MAST4: variants seen among roughly 807,000 people sequenced by gnomAD.
The protein encoded by MAST4 is microtubule-associated serine/threonine-protein kinase 4.
A neutral mutation model predicts 162.7 loss-of-function variants in MAST4; 89 were observed. That is an observed-to-expected ratio of 0.55 (90% CI 0.46 to 0.65). The LOEUF (loss-of-function observed/expected upper bound fraction) is 0.65. Ranked by LOEUF, MAST4 falls within the 30% of genes least tolerant of loss-of-function variation. MAST4 has a pLI of 0.00. For synonymous variants in MAST4, 1,479 were observed against 1,361.1 expected (o/e 1.09, Z -1.91); for missense variants, 3,153 against 3,374.0 (o/e 0.93, Z 1.62).
At chr5:66,608,498 AC>A (rs1743056010) in intron 1 of MAST4, among the ~76,000 whole-genome samples, 1 of 150,480 alleles carries the variant, frequency 6.6e-6, no homozygotes, top group African/African-American at 2.5e-5. Flanking sequence ...AATATGGACG[AC>A]TTATATGTTC....
At chr5:66,705,591 AGTTGACTACAAAACTG>A (rs1750078448) in intron 1 of MAST4, among the ~76,000 whole-genome samples, 1 of 152,238 alleles carries the variant, frequency 6.6e-6, no homozygotes, top group East Asian at 1.9e-4. Flanking sequence ...ATGAAAACCT[AGTTGACTACAAAACTG>A]CATTTTCAGA....
Position 66,667,135 on chromosome 5 carries a change from CCTGT to C in MAST4, c.363+70120_363+70123del, listed in dbSNP as rs368741133. On this transcript the variant is annotated intron_variant, in intron 1 of 28. Coordinates refer to ENST00000403625, the MANE Select transcript of MAST4 (RefSeq NM_001164664.2). The stretch of plus-strand genomic sequence containing the variant: ...GGAAGTTTGACCATACCTGTGTATG[CCTGT>C]CTTGCATAATTATGAATAGCCCCTT... Among the ~76,000 whole-genome samples the C allele has an allele frequency of 5.7e-3, 874 of 152,252 alleles. 10 individuals carry two copies. Among genetic ancestry groups the C allele is most frequent in the African/African-American group, 0.02 (847 of 41,550 alleles).
At chr5:66,918,464 T>C (rs1764260135) in intron 4 of MAST4, among the ~76,000 whole-genome samples, 1 of 152,210 alleles carries the variant, frequency 6.6e-6, no homozygotes, top group Non-Finnish European at 1.5e-5. Flanking sequence ...TTTGATATGC[T>C]TTTGGCCATT....
At chr5:67,089,734 G>C (rs1012300594) in intron 5 of MAST4, among the ~76,000 whole-genome samples, 1 of 152,164 alleles carries the variant, frequency 6.6e-6, no homozygotes, top group African/African-American at 2.4e-5. Context: ...TAAACAAAAA[G>C]TACTAAGGCT....
chr5:66,948,211 G>A (rs765831214), intron 4 of MAST4, among the ~76,000 whole-genome samples: 6 of 152,130 alleles, frequency 3.9e-5, no homozygotes, highest in Admixed American at 1.3e-4. Context: ...GCCACATTCC[G>A]AATTGGATTA....
At chr5:66,923,334 C>T (rs910680193) in intron 4 of MAST4, among the ~76,000 whole-genome samples, 13 of 152,162 alleles carry the variant, frequency 8.5e-5, no homozygotes, top group South Asian at 2.1e-4. Flanking sequence ...AAAGCATTGT[C>T]GTCTTGGGAT....
At chr5:67,130,080 C>T in intron 14 of MAST4, 130 bp from the exon 15 acceptor site, 1 of 770,062 alleles carries the variant, frequency 1.3e-6, no homozygotes, top group Non-Finnish European at 2.1e-6. Context: ...TAGCTGCCAG[C>T]TTGTGTGAGC....
intron 14 of MAST4, among the ~76,000 whole-genome samples, chr5:67,123,788 C>T (rs1419618002): frequency 6.6e-6 from 1 of 152,158 alleles, no homozygotes; most frequent in African/African-American, 2.4e-5. Context: ...CACCATTTCT[C>T]CCCCACTTTG....
intron 1 of MAST4, among the ~76,000 whole-genome samples, chr5:66,712,873 A>G (rs1205344558): frequency 6.6e-6 from 1 of 152,216 alleles, no homozygotes; most frequent in Non-Finnish European, 1.5e-5. Flanking sequence ...TTTTAGTGAA[A>G]CCTATACGTT....
intron 7 of MAST4, among the ~76,000 whole-genome samples, chr5:67,098,919 ATACT>A (rs1764729139): frequency 6.6e-6 from 1 of 152,212 alleles, no homozygotes; most frequent in Non-Finnish European, 1.5e-5. Flanking sequence ...ATCAACATTC[ATACT>A]AAGTAGATTA....
At chr5:66,670,317 G>C (rs919705901) in intron 1 of MAST4, among the ~76,000 whole-genome samples, 5 of 151,566 alleles carry the variant, frequency 3.3e-5, no homozygotes, top group African/African-American at 1.2e-4. Flanking sequence ...ATTGTGTATG[G>C]GTCTCAGTTT....
At chr5:67,104,074 G>A (rs992361481) in intron 9 of MAST4, among the ~76,000 whole-genome samples, 6 of 152,214 alleles carry the variant, frequency 3.9e-5, no homozygotes, top group East Asian at 1.9e-4. Context: ...AAATTGAGCA[G>A]ATGGTACAGA....
At chr5:67,126,773 C>G (rs1453100457) in intron 14 of MAST4, among the ~76,000 whole-genome samples, 1 of 152,102 alleles carries the variant, frequency 6.6e-6, no homozygotes, top group Admixed American at 6.6e-5. Context: ...TTTTCCAATT[C>G]TATGAAAAAA....
At chr5:67,099,508 A>C (rs1443060125) in intron 7 of MAST4, among the ~76,000 whole-genome samples, 1 of 152,072 alleles carries the variant, frequency 6.6e-6, no homozygotes, top group African/African-American at 2.4e-5. Context: ...TTTTAAAAAA[A>C]ATGCTTACTA....
chr5:66,869,867 G>A (rs1275395814), intron 3 of MAST4, among the ~76,000 whole-genome samples: 21 of 152,034 alleles, frequency 1.4e-4, no homozygotes, highest in Admixed American at 1.3e-3. Context: ...ACCATCTCTC[G>A]GTTGCTTTCA....
At position 67,166,805 on chromosome 5, in the gene MAST4, C is replaced by G; in HGVS notation, c.7626C>G (p.Gly2542=). ...ESHHPDPNTM[G]GASHRDRALS... is the part of the protein sequence containing the mutation. ...ACCACCCCGACCCAAACACCATGGG[C>G]GGGGCCAGCCACCGGGACAGGGCTC... The change falls in exon 29 of 29, where the codon GGC becomes GGG. Residue 2542 remains glycine (G), a synonymous_variant. Coordinates refer to ENST00000403625, the MANE Select transcript of MAST4 (RefSeq NM_001164664.2). The G allele has an allele frequency of 6.2e-7, 1 of 1,603,282 alleles. No individual in the cohort carries two copies.
intron 1 of MAST4, among the ~76,000 whole-genome samples, chr5:66,719,214 T>A (rs1751045061): frequency 6.6e-6 from 1 of 152,250 alleles, no homozygotes; most frequent in African/African-American, 2.4e-5. Flanking sequence ...GGGTACCTCC[T>A]CTTGTTTGGC....
intron 3 of MAST4, among the ~76,000 whole-genome samples, chr5:66,884,988 C>G (rs1761944310): frequency 6.6e-6 from 1 of 152,178 alleles, no homozygotes; most frequent in Non-Finnish European, 1.5e-5. Context: ...GCAGTAAGCC[C>G]TGCACAGTCC....
At chr5:66,843,504 C>G (rs746756135) in intron 3 of MAST4, among the ~76,000 whole-genome samples, 1 of 152,156 alleles carries the variant, frequency 6.6e-6, no homozygotes, top group Non-Finnish European at 1.5e-5. Flanking sequence ...CCAACTGAGT[C>G]TACTGCCTAA....
Sources: gnomAD v4.1 joint callset for allele counts (sites outside exome capture counted in the v4.1 genomes callset) on GRCh38, gnomAD v4.1.1 for gene constraint, MANE v1.5 for transcripts, NCBI Gene and HGNC (gene_info 2026-07-23, HGNC 2026-07-21) for gene names.